PKIB: variants seen among roughly 807,000 people sequenced by gnomAD.
The protein encoded by PKIB is PKI-beta.
PKIB carries 2 observed loss-of-function variants against 4.5 expected under a neutral mutation model. The observed-to-expected ratio is 0.44, with a 90% CI of 0.18 to 1.39. PKIB has a LOEUF of 1.39. Among genes scored for constraint, PKIB ranks in the 40% most tolerant of loss-of-function variants. The pLI is 0.27. For missense variants in PKIB, 94 were observed against 92.6 expected (o/e 1.02, Z -0.06); for synonymous variants, 38 against 36.0 (o/e 1.06, Z -0.20).
At chr6:122,574,087 A>G (rs544345494) in intron 2 of PKIB, among the ~76,000 whole-genome samples, 1 of 152,346 alleles carries the variant, frequency 6.6e-6, no homozygotes, top group South Asian at 2.1e-4. Context: ...TTACAAAATT[A>G]ATGTACACAA....
At chr6:122,689,709 G>A (rs923687546) in intron 3 of PKIB, among the ~76,000 whole-genome samples, 1 of 152,158 alleles carries the variant, frequency 6.6e-6, no homozygotes, top group Non-Finnish European at 1.5e-5. Context: ...GTATGTTGAG[G>A]AGAAAAATGT....
chr6:122,549,817 G>GTA (rs900023272), intron 2 of PKIB, among the ~76,000 whole-genome samples: 13 of 146,194 alleles, frequency 8.9e-5, no homozygotes, highest in South Asian at 2.1e-4. Flanking sequence ...TTTCTAAATA[G>GTA]TATATATATA....
At chr6:122,634,785 CA>C (rs1283850829) in intron 2 of PKIB, among the ~76,000 whole-genome samples, 1 of 151,416 alleles carries the variant, frequency 6.6e-6, no homozygotes, top group Non-Finnish European at 1.5e-5. Context: ...TAAAAAAATA[CA>C]AAAAAATTAG....
At chr6:122,700,251 CTTTTTT>C (rs34063696) in intron 3 of PKIB, among the ~76,000 whole-genome samples, 5 of 94,300 alleles carry the variant, frequency 5.3e-5, no homozygotes, top group Admixed American at 1.1e-4. Context: ...TCTTTTCTTT[CTTTTTT>C]TTTTTTTTTT....
chr6:122,562,369 C>T (rs1238658487), intron 2 of PKIB, among the ~76,000 whole-genome samples: 4 of 152,102 alleles, frequency 2.6e-5, no homozygotes, highest in Non-Finnish European at 5.9e-5. Context: ...CTTGGTGCTT[C>T]GTCTCACAGC....
At chr6:122,486,332 A>G (rs1319583362) in intron 2 of PKIB, among the ~76,000 whole-genome samples, 1 of 152,158 alleles carries the variant, frequency 6.6e-6, no homozygotes, top group Non-Finnish European at 1.5e-5. Flanking sequence ...CTTTCAGAAT[A>G]ATAAGTATGG....
chr6:122,574,805 A>G (rs1419791556), intron 2 of PKIB, among the ~76,000 whole-genome samples: 3 of 152,208 alleles, frequency 2.0e-5, no homozygotes, highest in African/African-American at 7.2e-5. Flanking sequence ...TCTGGAAGAT[A>G]ACATCAGAAA....
At chr6:122,494,102 G>A (rs575655299) in intron 2 of PKIB, among the ~76,000 whole-genome samples, 1 of 151,772 alleles carries the variant, frequency 6.6e-6, no homozygotes, top group Non-Finnish European at 1.5e-5. Flanking sequence ...TTTATATACG[G>A]CCAAGTTAAT....
At chr6:122,577,486 GTCAAA>G (rs1361551134) in intron 2 of PKIB, among the ~76,000 whole-genome samples, 4 of 152,026 alleles carry the variant, frequency 2.6e-5, no homozygotes, top group Non-Finnish European at 4.4e-5. Flanking sequence ...TTTGTGAGTT[GTCAAA>G]TCAAGTCCAA....
At chr6:122,547,796 C>T (rs1772548458) in intron 2 of PKIB, among the ~76,000 whole-genome samples, 1 of 152,178 alleles carries the variant, frequency 6.6e-6, no homozygotes, top group Non-Finnish European at 1.5e-5. Flanking sequence ...CTTTTACAAA[C>T]AATAGTGGCT....
At chr6:122,666,455 G>A (rs545892090) in intron 2 of PKIB, among the ~76,000 whole-genome samples, 1 of 152,072 alleles carries the variant, frequency 6.6e-6, no homozygotes, top group East Asian at 1.9e-4. Context: ...ATATGTGCTA[G>A]TTGTGTTTTG....
At chr6:122,623,269 C>G (rs1775310669) in intron 1 of PKIB, among the ~76,000 whole-genome samples, 1 of 152,160 alleles carries the variant, frequency 6.6e-6, no homozygotes, top group Admixed American at 6.5e-5. Context: ...ACATAAATTA[C>G]TCTTTAGGAG....
chr6:122,510,362 T>G (rs1001050596), intron 2 of PKIB, among the ~76,000 whole-genome samples: 3 of 152,374 alleles, frequency 2.0e-5, no homozygotes, highest in African/African-American at 7.2e-5. Context: ...TACAAAAGTT[T>G]GACAAATTGT....
At chr6:122,668,789 A>C (rs566864978) in intron 2 of PKIB, among the ~76,000 whole-genome samples, 1 of 152,334 alleles carries the variant, frequency 6.6e-6, no homozygotes, top group East Asian at 1.9e-4. Context: ...TCTTATATAT[A>C]ACAGTTGGCT....
At chr6:122,597,430 A>G (rs569522273) in intron 3 of PKIB, among the ~76,000 whole-genome samples, 1 of 152,332 alleles carries the variant, frequency 6.6e-6, no homozygotes, top group East Asian at 1.9e-4. Context: ...CATACAAGGT[A>G]CCAGGAGATG....
chr6:122,567,400 G>A (rs1773225403), intron 2 of PKIB, among the ~76,000 whole-genome samples: 1 of 152,098 alleles, frequency 6.6e-6, no homozygotes, highest in African/African-American at 2.4e-5. Context: ...CTCTTGATTG[G>A]CTGTTTTCTG....
upstream of PKIB, among the ~76,000 whole-genome samples, chr6:122,606,697 C>T (rs964174151): frequency 4.1e-4 from 62 of 152,134 alleles, no homozygotes; most frequent in African/African-American, 1.3e-3. Context: ...GAATAAATTC[C>T]TTCTGGTGTA....
intron 3 of PKIB, among the ~76,000 whole-genome samples, chr6:122,709,220 G>C (rs559264543): frequency 1.3e-5 from 2 of 152,244 alleles, no homozygotes; most frequent in East Asian, 3.9e-4. Flanking sequence ...TCTAGAAGTT[G>C]AAAGTCCAGG....
intron 3 of PKIB, among the ~76,000 whole-genome samples, chr6:122,586,818 T>A (rs1773861894): frequency 6.6e-6 from 1 of 152,032 alleles, no homozygotes; most frequent in Non-Finnish European, 1.5e-5. Flanking sequence ...CTCCAAGAAC[T>A]CTCTCAGTAC....
Sources: gnomAD v4.1 joint callset for allele counts (sites outside exome capture counted in the v4.1 genomes callset) on GRCh38, gnomAD v4.1.1 for gene constraint, MANE v1.5 for transcripts, NCBI Gene and HGNC (gene_info 2026-07-23, HGNC 2026-07-21) for gene names.